Variants in SLC14A2 observed in about 807,000 individuals in gnomAD.
SLC14A2 encodes solute carrier family 14 member 2.
SLC14A2 carries 91 observed loss-of-function variants against 104.6 expected under a neutral mutation model. That is an observed-to-expected ratio of 0.87 (90% CI 0.73 to 1.04). The LOEUF (loss-of-function observed/expected upper bound fraction) is 1.04, where lower values mean the gene tolerates loss of function less well. SLC14A2 is among the 50% of genes least tolerant of loss of function. SLC14A2 has a pLI of 0.00. For missense variants in SLC14A2, 1,189 were observed against 1,156.0 expected (o/e 1.03, Z -0.41); for synonymous variants, 476 against 466.4 (o/e 1.02, Z -0.27).
intron 2 of SLC14A2, among the ~76,000 whole-genome samples, chr18:45,602,620 A>G (rs1371013281): frequency 6.6e-6 from 1 of 152,214 alleles, no homozygotes; most frequent in Non-Finnish European, 1.5e-5. Flanking sequence ...GTGATGGGGC[A>G]AAGAAGTTGG....
At chr18:45,186,585 G>A in the SLC14A2 span, among the ~76,000 whole-genome samples, 2 of 152,122 alleles carry the variant, frequency 1.3e-5, no homozygotes, top group East Asian at 3.9e-4. Flanking sequence ...AGAATAGCTG[G>A]ACAAACAGAA....
the SLC14A2 span, among the ~76,000 whole-genome samples, chr18:45,169,689 A>G: frequency 3.3e-5 from 5 of 152,128 alleles, no homozygotes; most frequent in African/African-American, 1.2e-4. Context: ...CATCCAGAAA[A>G]CCCTGCTCCA....
intron 1 of SLC14A2, among the ~76,000 whole-genome samples, chr18:45,375,807 A>G (rs1430977407): frequency 6.6e-6 from 1 of 151,980 alleles, no homozygotes; most frequent in Non-Finnish European, 1.5e-5. Flanking sequence ...TTTCCTTTTC[A>G]TCCTTATCTC....
At chr18:45,240,402 C>A (rs1299664660) in intron 1 of SLC14A2, among the ~76,000 whole-genome samples, 1 of 151,886 alleles carries the variant, frequency 6.6e-6, no homozygotes, top group Non-Finnish European at 1.5e-5. Context: ...GCCCAAATAT[C>A]TCTTTAATAT....
intron 1 of SLC14A2, among the ~76,000 whole-genome samples, chr18:45,416,193 G>T (rs948631267): frequency 1.3e-5 from 2 of 151,368 alleles, no homozygotes; most frequent in Admixed American, 6.6e-5. Flanking sequence ...CTTTTTTTAA[G>T]GCAGCACTGT....
intron 1 of SLC14A2, among the ~76,000 whole-genome samples, chr18:45,359,721 A>G (rs1241892247): frequency 6.6e-6 from 1 of 152,182 alleles, no homozygotes; most frequent in Non-Finnish European, 1.5e-5. Flanking sequence ...CAGCCTGGAG[A>G]GCACAAATTA....
intron 2 of SLC14A2, among the ~76,000 whole-genome samples, chr18:45,504,007 T>C (rs2043243196): frequency 6.6e-6 from 1 of 152,182 alleles, no homozygotes; most frequent in Admixed American, 6.5e-5. Flanking sequence ...TTCTCTCTGA[T>C]CTTGCTCTTG....
At chr18:45,236,577 A>ATG (rs1491327612) in intron 1 of SLC14A2, among the ~76,000 whole-genome samples, 2 of 130,198 alleles carry the variant, frequency 1.5e-5, no homozygotes, top group Admixed American at 7.8e-5. Context: ...ATGTATATAT[A>ATG]CATATATATA....
In SLC14A2 at chr18:45,664,008, C is replaced by T. The variant is rs780088301; in HGVS notation, c.1474+101C>T. On this transcript the variant is annotated intron_variant, in intron 11 of 19. Coordinates refer to ENST00000255226, the MANE Select transcript of SLC14A2 (RefSeq NM_007163.4). ...TACTTCACAGGGTGGTGGGGAGACCCGCTGGAGTCAGACTTGACCTCTCAC... is the reference window on the plus strand; with the variant it reads ...TACTTCACAGGGTGGTGGGGAGACCTGCTGGAGTCAGACTTGACCTCTCAC... 65 of 1,279,440 alleles carry T rather than the reference C, an allele frequency of 5.1e-5. No homozygotes were observed. In the East Asian group the frequency reaches 1.5e-3, roughly 29 times the overall value. 79.3% of individuals were successfully genotyped at this position (1,279,440 alleles called of 1,614,324 possible).
At chr18:45,524,121 G>A (rs932822885) in intron 2 of SLC14A2, among the ~76,000 whole-genome samples, 2 of 152,060 alleles carry the variant, frequency 1.3e-5, no homozygotes, top group Non-Finnish European at 2.9e-5. Flanking sequence ...CACCTGGATG[G>A]AGCCTGGTCC....
intron 1 of SLC14A2, among the ~76,000 whole-genome samples, chr18:45,312,111 A>T (rs1000298568): frequency 5.3e-5 from 8 of 152,208 alleles, no homozygotes; most frequent in Middle Eastern, 3.2e-3. Flanking sequence ...ACTATGGGGA[A>T]GTTATCTAAC....
chr18:45,653,284 T>C (rs1253769858), intron 10 of SLC14A2, among the ~76,000 whole-genome samples: 1 of 152,084 alleles, frequency 6.6e-6, no homozygotes, highest in Non-Finnish European at 1.5e-5. Flanking sequence ...TTTGTTTGCT[T>C]TCCTTCCTCA....
At chr18:45,244,550 C>T (rs1179026366) in intron 1 of SLC14A2, among the ~76,000 whole-genome samples, 1 of 151,886 alleles carries the variant, frequency 6.6e-6, no homozygotes, top group African/African-American at 2.4e-5. Context: ...CACTTGAACC[C>T]AGGAGGCAGA....
chr18:45,532,863 A>T (rs1184561591), intron 2 of SLC14A2, among the ~76,000 whole-genome samples: 2 of 152,146 alleles, frequency 1.3e-5, no homozygotes, highest in Non-Finnish European at 2.9e-5. Context: ...TTATTTTGAG[A>T]TACGTACCAT....
At chr18:45,458,637 C>G (rs2086987393) in intron 1 of SLC14A2, among the ~76,000 whole-genome samples, 1 of 152,184 alleles carries the variant, frequency 6.6e-6, no homozygotes, top group South Asian at 2.1e-4. Flanking sequence ...TAAGTTATAA[C>G]TGGAAGAAAG....
chr18:45,408,521 T>C (rs2086180891), intron 1 of SLC14A2, among the ~76,000 whole-genome samples: 1 of 152,232 alleles, frequency 6.6e-6, no homozygotes, highest in Non-Finnish European at 1.5e-5. Flanking sequence ...CACATGTACA[T>C]AGCAGCTTCC....
intron 2 of SLC14A2, among the ~76,000 whole-genome samples, chr18:45,519,807 T>G (rs1472981821): frequency 6.6e-6 from 1 of 152,204 alleles, no homozygotes; most frequent in Non-Finnish European, 1.5e-5. Flanking sequence ...GCCTGTGGTT[T>G]AGCAGCCCTT....
At chr18:45,575,127 G>C (rs1447041475) in intron 2 of SLC14A2, among the ~76,000 whole-genome samples, 1 of 151,796 alleles carries the variant, frequency 6.6e-6, no homozygotes, top group East Asian at 2.0e-4. Context: ...TCTGGGCCCT[G>C]TGGGTTTCTT....
the SLC14A2 span, among the ~76,000 whole-genome samples, chr18:45,172,791 A>G: frequency 5.3e-5 from 8 of 152,266 alleles, 1 homozygote; most frequent in South Asian, 1.2e-3. Context: ...ATGGAAGTCA[A>G]TTCATAAAAT....
Sources: allele counts gnomAD v4.1 joint callset (sites outside exome capture counted in the v4.1 genomes callset), GRCh38; gene constraint gnomAD v4.1.1; transcripts MANE v1.5; gene names NCBI Gene and HGNC (gene_info 2026-07-23, HGNC 2026-07-21).